MGAT5: variants seen among roughly 807,000 people sequenced by gnomAD.
The protein encoded by MGAT5 is alpha-1,6-mannosylglycoprotein 6-beta-N-acetylglucosaminyltransferase A.
A neutral mutation model predicts 94.3 loss-of-function variants in MGAT5; 30 were observed. The ratio of observed to expected loss-of-function variants is 0.32; its 90% CI spans 0.24 to 0.43. MGAT5 has a LOEUF of 0.43. MGAT5 is among the 20% of genes least tolerant of loss of function. MGAT5 has a pLI of 1.00. For missense variants in MGAT5, 691 were observed against 905.5 expected, an observed-to-expected ratio of 0.76 and a Z score of 3.04; for synonymous variants, 310 against 322.9, an observed-to-expected ratio of 0.96 and a Z score of 0.43.
intron 2 of MGAT5, among the ~76,000 whole-genome samples, chr2:134,281,327 A>G (rs961419906): frequency 2.0e-5 from 3 of 152,204 alleles, no homozygotes; most frequent in Non-Finnish European, 4.4e-5. Context: ...ACCTATGCGG[A>G]CAGCATGATG....
At chr2:134,135,876 G>A (rs7601756) in intron 1 of MGAT5, among the ~76,000 whole-genome samples, 52,818 of 151,780 alleles carry the variant, frequency 0.35, 10,076 homozygotes, top group East Asian at 0.55. Flanking sequence ...CATGGCTCCC[G>A]TGTAGGTCTC....
chr2:134,282,816 G>C (rs927609779), intron 2 of MGAT5, among the ~76,000 whole-genome samples: 8 of 152,176 alleles, frequency 5.3e-5, no homozygotes, highest in Non-Finnish European at 1.2e-4. Flanking sequence ...CTGAAGAAGA[G>C]AGATTGAGCA....
At chr2:134,121,886 A>G (rs1051117511) in intron 1 of MGAT5, among the ~76,000 whole-genome samples, 20 of 152,088 alleles carry the variant, frequency 1.3e-4, no homozygotes, top group Admixed American at 1.2e-3. Flanking sequence ...TGCACATCCT[A>G]AGCCTTACGG....
chr2:134,329,039 AGT>A (rs1687800158), intron 4 of MGAT5, among the ~76,000 whole-genome samples: 2 of 152,230 alleles, frequency 1.3e-5, no homozygotes, highest in African/African-American at 4.8e-5. Flanking sequence ...TTCAAATATA[AGT>A]ATGTGACAAA....
At chr2:134,152,930 A>G (rs560095019) in intron 1 of MGAT5, among the ~76,000 whole-genome samples, 3 of 141,906 alleles carry the variant, frequency 2.1e-5, no homozygotes, top group Admixed American at 1.4e-4. Context: ...TTGAGATGGA[A>G]TCTCACTCTG....
At chr2:134,402,903 A>C in intron 10 of MGAT5, 85 bp from the exon 11 acceptor site, 1 of 1,336,468 alleles carries the variant, frequency 7.5e-7, no homozygotes, top group Non-Finnish European at 1.0e-6. Flanking sequence ...TGTGGCCTCT[A>C]GTCTTAGAAG....
chr2:134,442,059 G>T, intron 15 of MGAT5, 144 bp downstream of exon 15: 1 of 889,574 alleles, frequency 1.1e-6, no homozygotes, highest in Non-Finnish European at 1.7e-6. Flanking sequence ...GTTGCAGCAG[G>T]ATCCCCCTAG....
chr2:134,248,351 A>C (rs1682398532), intron 1 of MGAT5, among the ~76,000 whole-genome samples: 1 of 152,192 alleles, frequency 6.6e-6, no homozygotes, highest in South Asian at 2.1e-4. Context: ...CATAGGCGAG[A>C]TGAAACGGGA....
chr2:134,309,160 T>A (rs921868314), intron 2 of MGAT5, among the ~76,000 whole-genome samples: 1 of 152,236 alleles, frequency 6.6e-6, no homozygotes, highest in African/African-American at 2.4e-5. Context: ...AGCACCTCAT[T>A]CCTTTTAATG....
At chr2:134,132,688 A>G (rs1686231290) in intron 1 of MGAT5, among the ~76,000 whole-genome samples, 1 of 152,262 alleles carries the variant, frequency 6.6e-6, no homozygotes, top group Non-Finnish European at 1.5e-5. Context: ...GCCCGAGAAG[A>G]AAAAGTTTTC....
In MGAT5 at chr2:134,341,765, G is replaced by C. The variant is rs779285088; in HGVS notation, c.977+6G>C. ...TCACTGGCTGAGCTCAAGGAGTAAG[G>C]AGATTACTTTTCAATTTTAAAATCA... On this transcript the variant is annotated splice_donor_region_variant and intron_variant, in intron 7 of 15. Coordinates refer to ENST00000281923, the MANE Select transcript of MGAT5 (RefSeq NM_002410.5). 3 of 1,587,618 alleles carry C rather than the reference G, an allele frequency of 1.9e-6. No homozygotes were observed. The highest frequency in any genetic ancestry group is 2.6e-6 in the Non-Finnish European group (3 of 1,170,734).
intron 1 of MGAT5, among the ~76,000 whole-genome samples, chr2:134,242,935 C>T (rs1682047725): frequency 6.6e-6 from 1 of 151,726 alleles, no homozygotes; most frequent in African/African-American, 2.4e-5. Context: ...GCTACTCAGG[C>T]AGGGCATTGG....
At chr2:134,247,975 A>T (rs1263379384) in intron 1 of MGAT5, among the ~76,000 whole-genome samples, 11 of 152,252 alleles carry the variant, frequency 7.2e-5, no homozygotes, top group African/African-American at 2.6e-4. Context: ...TGTCTTAGAC[A>T]TATTTTGTTT....
chr2:134,349,013 A>G (rs921477515), intron 8 of MGAT5, among the ~76,000 whole-genome samples: 1 of 152,176 alleles, frequency 6.6e-6, no homozygotes, highest in Non-Finnish European at 1.5e-5. Context: ...GGTCAACAAC[A>G]GGGTGTGGCT....
chr2:134,217,984 G>A (rs1015418467), intron 1 of MGAT5, among the ~76,000 whole-genome samples: 2 of 152,194 alleles, frequency 1.3e-5, no homozygotes, highest in Non-Finnish European at 2.9e-5. Context: ...GAATAAGACA[G>A]GTGATTAATA....
intron 2 of MGAT5, among the ~76,000 whole-genome samples, chr2:134,311,002 C>A (rs1686618688): frequency 6.6e-6 from 1 of 152,236 alleles, no homozygotes; most frequent in African/African-American, 2.4e-5. Flanking sequence ...ATGTTCATAT[C>A]AGGTGTGCCA....
At chr2:134,297,812 A>G (rs1003930689) in intron 2 of MGAT5, among the ~76,000 whole-genome samples, 1 of 152,056 alleles carries the variant, frequency 6.6e-6, no homozygotes, top group African/African-American at 2.4e-5. Context: ...TGCCACTTCT[A>G]TTCAATAATA....
intron 2 of MGAT5, among the ~76,000 whole-genome samples, chr2:134,292,964 TC>T (rs1201839244): frequency 3.3e-5 from 5 of 152,120 alleles, no homozygotes; most frequent in African/African-American, 1.2e-4. Context: ...CAGATGGAGG[TC>T]ATGGACCTTC....
rs762610906 is a variant in MGAT5 at position 134,258,749 on chromosome 2, C to A, written c.241+4105C>A. On this transcript the variant is annotated intron_variant, in intron 1 of 15. Transcript: ENST00000281923. ...AAAATGCTTCTTCTAAGTGGCAGGT[C>A]GAGAGTTGTAGTGGTTAGGAGCATG... Among the ~76,000 whole-genome samples the A allele has an allele frequency of 2.8e-4, 43 of 152,152 alleles. 1 individual carries two copies. The highest frequency in any genetic ancestry group is 3.3e-4 in the Admixed American group (5 of 15,282).
Sources: gnomAD v4.1 joint callset for allele counts (sites outside exome capture counted in the v4.1 genomes callset) on GRCh38, gnomAD v4.1.1 for gene constraint, MANE v1.5 for transcripts, NCBI Gene and HGNC (gene_info 2026-07-23, HGNC 2026-07-21) for gene names.